The following SETX variants were observed in gnomAD, a reference collection of about 807,000 sequenced individuals.
The protein encoded by SETX is helicase senataxin.
SETX carries 90 observed loss-of-function variants against 227.2 expected under a neutral mutation model. The ratio of observed to expected loss-of-function variants is 0.40; its 90% CI spans 0.33 to 0.47. The LOEUF (loss-of-function observed/expected upper bound fraction) is 0.47. SETX is among the 20% of genes least tolerant of loss of function. The pLI, the probability that SETX is intolerant of heterozygous loss-of-function variation, is 0.91. For synonymous variants in SETX, 1,210 were observed against 1,113.2 expected, an observed-to-expected ratio of 1.09 and a Z score of -1.73; for missense variants, 3,052 against 3,181.5, an observed-to-expected ratio of 0.96 and a Z score of 0.98.
At chr9:132,331,166 T>C (rs766333477) in intron 8 of SETX, 27 bp from the exon 9 acceptor site, 1 of 1,608,376 alleles carries the variant, frequency 6.2e-7, no homozygotes. Context: ...AAATAGAAAT[T>C]ACTGAAACGA....
chr9:132,341,819 C>A (rs531645), intron 5 of SETX, among the ~76,000 whole-genome samples: 102,446 of 152,052 alleles, frequency 0.67, 37,765 homozygotes, highest in Non-Finnish European at 0.83. Context: ...CAAGCTGAAT[C>A]CCGAGCTACC....
chr9:132,329,062 T>C lies in SETX; in HGVS notation c.2536A>G (p.Ser846Gly), dbSNP rs774820992. The C allele has an allele frequency of 2.5e-6, 4 of 1,609,762 alleles. No homozygotes were observed. Among genetic ancestry groups the C allele is most frequent in the South Asian group, 2.2e-5 (2 of 90,816 alleles). Residue 846 changes from serine to glycine, a missense_variant, in exon 10 of 26, where the codon AGT (serine) becomes GGT (glycine). Transcript: ENST00000224140. Reference protein sequence around the residue: ...GFIHNLSLDPSGVLDDKNGEQ... With the variant: ...GFIHNLSLDPGGVLDDKNGEQ... ...CCATTCTTATCATCCAGAACACCAC[T>C]AGGGTCTAAAGAAAGATTGTGTATG...
intron 4 of SETX, among the ~76,000 whole-genome samples, chr9:132,345,844 A>T (rs1303523074): frequency 6.6e-6 from 1 of 152,058 alleles, no homozygotes; most frequent in Non-Finnish European, 1.5e-5. Flanking sequence ...GTGAAACTTC[A>T]TCTCTACAAT....
Position 132,326,500 on chromosome 9 carries a change from T to C in SETX, c.5098A>G (p.Thr1700Ala), listed in dbSNP as rs1589734372. 6.2e-7 allele frequency: 1 copy of C among 1,614,200 alleles called. No individual in the cohort carries two copies. Among genetic ancestry groups the C allele is most frequent in the Non-Finnish European group, 8.5e-7 (1 of 1,180,034 alleles). The change falls in exon 10 of 26, where the codon ACC becomes GCC. Residue 1700 changes from threonine to alanine, a missense_variant. By Grantham distance (58) the Thr-to-Ala change is moderately conservative. Coordinates refer to ENST00000224140, the MANE Select transcript of SETX (RefSeq NM_015046.7). ...CATTTTAAGACCTCTTTAACGAAGGTGTCAGAGACAGACTGTGATGACAAA... is the reference window on the plus strand; with the variant it reads ...CATTTTAAGACCTCTTTAACGAAGGCGTCAGAGACAGACTGTGATGACAAA... ...ILLSSQSVSD[T>A]FVKEVLKWKY... is the part of the protein sequence containing the mutation.
chr9:132,293,841 T>C (rs1218136438), intron 15 of SETX, among the ~76,000 whole-genome samples: 1 of 151,988 alleles, frequency 6.6e-6, no homozygotes, highest in Non-Finnish European at 1.5e-5. Context: ...GCTAACACGG[T>C]GAAACCCCGT....
chr9:132,281,682 T>G (rs538815854), intron 19 of SETX, 108 bp from the exon 20 acceptor site: 1 of 785,044 alleles, frequency 1.3e-6, no homozygotes, highest in South Asian at 1.5e-5. Context: ...ACACTTCTCC[T>G]GCACCAAATA....
intron 25 of SETX, among the ~76,000 whole-genome samples, chr9:132,268,983 AATGACTTC>A (rs140990726): frequency 0.071 from 10,856 of 152,268 alleles, 738 homozygotes; most frequent in East Asian, 0.37. Flanking sequence ...AGATGAAATC[AATGACTTC>A]ATAAAAAAGA....
At chr9:132,330,928 T>TTACATAGCAGTAGATTGAGAACAGC (rs1847184199) in intron 9 of SETX, 124 bp downstream of exon 9, 1 of 781,982 alleles carries the variant, frequency 1.3e-6, no homozygotes. Context: ...AGAAGGGCTT[T>TTACATAGCAGTAGATTGAGAACAGC]TACATAGCAG....
At chr9:132,288,190 A>T in intron 17 of SETX, 46 bp downstream of exon 17, 1 of 1,495,390 alleles carries the variant, frequency 6.7e-7, no homozygotes, top group Non-Finnish European at 9.3e-7. Context: ...AAAACTTGTT[A>T]ACTAGTTCGT....
In SETX at chr9:132,278,213, G is replaced by A; in HGVS notation, c.6699C>T (p.Phe2233=). ...YGYDQSMMAR[F]CRLLEENVEH... ...CTACATTCTCTTCCAGCAGTCTGCA[G>A]AAGCGAGCCATCATTGACTGGTCGT... The change falls in exon 21 of 26, where the codon TTC becomes TTT. Residue 2233 remains phenylalanine, a synonymous_variant. Transcript: ENST00000224140. 6.2e-7 allele frequency: 1 copy of A among 1,614,176 alleles called. No homozygotes were observed. Among genetic ancestry groups the A allele is most frequent in the Non-Finnish European group, 8.5e-7 (1 of 1,180,028 alleles).
intron 20 of SETX, among the ~76,000 whole-genome samples, chr9:132,279,726 CTT>C (rs542616298): frequency 7.9e-5 from 12 of 152,312 alleles, no homozygotes; most frequent in African/African-American, 2.9e-4. Context: ...AATTTTTAAT[CTT>C]TTCTTTGGGG....
chr9:132,283,942 G>A lies in SETX; in HGVS notation c.6397-529C>T, dbSNP rs1198000081. ...GAACAGTCTGGTCTCCCTCTCTAAC[G>A]CAGTGTGCTGTGATGGAGCCGGACG... On this transcript the variant is annotated intron_variant, in intron 18 of 25. Transcript: ENST00000224140. 6.6e-5 allele frequency among the ~76,000 whole-genome samples: 10 copies of A among 152,198 alleles called. No individual in the cohort carries two copies. The East Asian group carries it at 9.6e-4, about 15-fold the overall frequency.
chr9:132,327,820 G>C lies in SETX; in HGVS notation c.3778C>G (p.Leu1260Val). ...ATAGCAGGAGTTGTTCTACAACTTA[G>C]GTAATTTGAACTTCTATTCTGTCCT... Reference protein sequence around the residue: ...KKGQNRSSNYLSCRTTPAIVP... With the variant: ...KKGQNRSSNYVSCRTTPAIVP... Residue 1260 changes from leucine (L) to valine (V), a missense_variant, in exon 10 of 26, where the codon CTA becomes GTA. Transcript: ENST00000224140. The C allele has an allele frequency of 6.2e-7, 1 of 1,614,124 alleles. No individual in the cohort carries two copies. Among genetic ancestry groups the C allele is most frequent in the East Asian group, 2.2e-5 (1 of 44,872 alleles).
In SETX at chr9:132,327,407, A is replaced by G. The variant is rs1394901929; in HGVS notation, c.4191T>C (p.Asn1397=). 1 of 1,614,176 alleles carries G rather than the reference A, an allele frequency of 6.2e-7. No individual in the cohort carries two copies. The highest frequency in any genetic ancestry group is 8.5e-7 in the Non-Finnish European group (1 of 1,180,014). The change falls in exon 10 of 26, where the codon AAT becomes AAC. Residue 1397 remains asparagine, a synonymous_variant. Coordinates refer to ENST00000224140, the MANE Select transcript of SETX (RefSeq NM_015046.7). Reference sequence around the variant, plus strand: ...CAAGTACCTCAGTTCCTCCTGTACAATTATAATCTGACCTATCAGATTCTG... The same window carrying G: ...CAAGTACCTCAGTTCCTCCTGTACAGTTATAATCTGACCTATCAGATTCTG... The part of the protein sequence containing the change: ...FVPESDRSDY[N]CTGGTEVLAN...
rs1842514456 is a variant in SETX at position 132,264,269 on chromosome 9, GTCC to G, written c.8001_8003del (p.Glu2667del). On this transcript the variant is annotated inframe_deletion, in exon 26 of 26. Transcript: ENST00000224140. ...AAAGCTTTCTTTTCTTGGAACTGCTGTCCTCCTGCTCCAGTGTCCTCTTGTCCC... is the reference window on the plus strand; with the variant it reads ...AAAGCTTTCTTTTCTTGGAACTGCTGTCCTGCTCCAGTGTCCTCTTGTCCC... 2 of 1,613,992 alleles carry G rather than the reference GTCC, an allele frequency of 1.2e-6. No homozygotes were observed. The highest frequency in any genetic ancestry group is 2.7e-5 in the African/African-American group (2 of 74,910).
intron 10 of SETX, among the ~76,000 whole-genome samples, chr9:132,320,466 C>T (rs568723339): frequency 3.3e-5 from 5 of 151,908 alleles, no homozygotes; most frequent in South Asian, 4.2e-4. Context: ...TGATGGCGGG[C>T]GCCTGTAATC....
At chr9:132,300,874 G>A (rs1757242269) in intron 11 of SETX, 71 bp from the exon 12 acceptor site, 5 of 1,392,810 alleles carry the variant, frequency 3.6e-6, no homozygotes, top group Non-Finnish European at 4.9e-6. Flanking sequence ...TAACTTAAAA[G>A]AAATTAAATC....
chr9:132,350,280 G>A (rs1848535219), intron 2 of SETX, among the ~76,000 whole-genome samples: 1 of 152,102 alleles, frequency 6.6e-6, no homozygotes, highest in Admixed American at 6.6e-5. Flanking sequence ...AACGTGGGAG[G>A]CAGAGGTTGC....
Position 132,288,262 on chromosome 9 carries a change from G to A in SETX, c.6298C>T (p.Leu2100=). 1 of 1,614,184 alleles carries A rather than the reference G, an allele frequency of 6.2e-7. No homozygotes were observed. The highest frequency in any genetic ancestry group is 8.5e-7 in the Non-Finnish European group (1 of 1,180,006). ...QLDELSRQRA[L]CRGGREIQRQ... The stretch of plus-strand genomic sequence containing the variant: ...TGTATTTCCCGTCCACCTCGGCATA[G>A]AGCTCGCTGCCGGGAAAGCTCATCC... The change falls in exon 17 of 26, where the codon CTA becomes TTA. Residue 2100 remains leucine (L), a synonymous_variant. Coordinates refer to ENST00000224140, the MANE Select transcript of SETX (RefSeq NM_015046.7).
Sources: allele counts gnomAD v4.1 joint callset (sites outside exome capture counted in the v4.1 genomes callset), GRCh38; gene constraint gnomAD v4.1.1; transcripts MANE v1.5; gene names NCBI Gene and HGNC (gene_info 2026-07-23, HGNC 2026-07-21).